The following EIF2AK3 variants were observed in gnomAD, a reference collection of about 807,000 sequenced individuals.
EIF2AK3 encodes the protein eukaryotic translation initiation factor 2-alpha kinase 3.
Under a neutral mutation model 113.5 loss-of-function variants are expected in EIF2AK3, and 50 were observed. That is an observed-to-expected ratio of 0.44 (90% confidence interval 0.35 to 0.56). The LOEUF (loss-of-function observed/expected upper bound fraction) is 0.56. EIF2AK3 is among the 20% of genes least tolerant of loss of function. The probability of loss-of-function intolerance (pLI) is 0.00; values close to 1 mark genes in which losing one functional copy is unlikely to be tolerated. For synonymous variants in EIF2AK3, 448 were observed against 495.4 expected, an observed-to-expected ratio of 0.90 and a Z score of 1.27; for missense variants, 1,185 against 1,378.0, an observed-to-expected ratio of 0.86 and a Z score of 2.22.
At chr2:88,579,929 C>T in intron 10 of EIF2AK3, 1 of 319,088 alleles carries the variant, frequency 3.1e-6, no homozygotes, top group Non-Finnish European at 6.0e-6. Context: ...GTGATGTGTG[C>T]TGTCCAATAC....
intron 1 of EIF2AK3, among the ~76,000 whole-genome samples, chr2:88,624,263 G>A (rs187491635): frequency 6.6e-6 from 1 of 152,298 alleles, no homozygotes; most frequent in East Asian, 1.9e-4. Context: ...AAAGTGCTGG[G>A]ATAACAGGCT....
chr2:88,575,702 G>GAGCAGCCAA, intron 12 of EIF2AK3: 1 of 484,780 alleles, frequency 2.1e-6, no homozygotes, highest in South Asian at 2.1e-5. Context: ...GGGGCTGCCA[G>GAGCAGCCAA]AGCAGCCAAA....
chr2:88,576,703 C>A lies in EIF2AK3; in HGVS notation c.1887G>T (p.Arg629Ser). Residue 629 changes from arginine to serine, a missense_variant and splice_region_variant, in exon 12 of 17, where the codon AGG becomes AGT. Physicochemically the swap from Arg to Ser is moderately radical, Grantham distance 110 (BLOSUM62 -1). Coordinates refer to ENST00000303236, the MANE Select transcript of EIF2AK3 (RefSeq NM_004836.7). The stretch of plus-strand genomic sequence containing the variant: ...GCATTACCTTTTCCCGAGCCAATTC[C>A]CTGAAAGAGAGAAAATATTTAAGGT... The part of the protein sequence containing the change: ...YAIKRIRLPN[R>S]ELAREKVMRE... 1.2e-6 allele frequency: 2 copies of A among 1,613,778 alleles called. No homozygotes were observed. The highest frequency in any genetic ancestry group is 1.7e-6 in the Non-Finnish European group (2 of 1,179,922).
In EIF2AK3 at chr2:88,557,494, A is replaced by G. The variant is rs981401722; in HGVS notation, c.*242T>C. The G allele has an allele frequency of 1.8e-6, 1 of 544,762 alleles. No individual in the cohort carries two copies. The highest frequency in any genetic ancestry group is 1.9e-5 in the African/African-American group (1 of 52,754). The allele number at this position is 544,762 out of a possible 1,614,324, so 33.7% of individuals were successfully genotyped here. ...GTGAGGGCTATAAAGCTTGGCCAGCAGCCAGTTTCAAGAGACTAACAAAGA... is the reference window on the plus strand; with the variant it reads ...GTGAGGGCTATAAAGCTTGGCCAGCGGCCAGTTTCAAGAGACTAACAAAGA... On this transcript the variant is annotated 3_prime_UTR_variant, in exon 17 of 17. Transcript: ENST00000303236.
chr2:88,624,118 A>C (rs948443350), intron 1 of EIF2AK3, among the ~76,000 whole-genome samples: 2 of 151,894 alleles, frequency 1.3e-5, no homozygotes, highest in African/African-American at 4.8e-5. Context: ...CAGCCTCCCG[A>C]GTAGCTCGGA....
At position 88,575,028 on chromosome 2, in the gene EIF2AK3, T is replaced by C; in HGVS notation, c.2455A>G (p.Lys819Glu). Residue 819 changes from lysine to glutamate, a missense_variant, in exon 13 of 17, where the codon AAA becomes GAA. By Grantham distance (56) the Lys-to-Glu change is moderately conservative. Around this residue, in one of 3 missense-constraint regions of EIF2AK3, gnomAD observed 877 missense variants for 1,024.2 expected, o/e 0.86. Transcript: ENST00000303236. ...AATCGATTAGTTTTCGGCTCTTCTT[T>C]ACTGGAAGCATTATCACAGCCAGAA... ...EDSGCDNASS[K>E]EEPKTNRLHI... The C allele has an allele frequency of 6.2e-7, 1 of 1,614,212 alleles. No individual in the cohort carries two copies. Among genetic ancestry groups the C allele is most frequent in the Non-Finnish European group, 8.5e-7 (1 of 1,180,028 alleles).
chr2:88,578,042 C>T (rs1674506645), intron 11 of EIF2AK3, among the ~76,000 whole-genome samples: 1 of 152,172 alleles, frequency 6.6e-6, no homozygotes, highest in African/African-American at 2.4e-5. Flanking sequence ...GTACAGGCTT[C>T]TTGAGGGCAG....
Position 88,590,777 on chromosome 2 carries a change from G to C in EIF2AK3, c.1002+41C>G, listed in dbSNP as rs1234788710. The C allele has an allele frequency of 1.9e-6, 3 of 1,607,520 alleles. No homozygotes were observed. In the Admixed American group the frequency reaches 5.0e-5, roughly 27 times the overall value. On this transcript the variant is annotated intron_variant, in intron 5 of 16. Transcript: ENST00000303236. ...ATCAATAAGTTTGGTCAGACTGGGA[G>C]AGGAAGAACCGTATTTTAAATCCTC...
chr2:88,623,239 G>A (rs1038309684), intron 1 of EIF2AK3, among the ~76,000 whole-genome samples: 17 of 152,298 alleles, frequency 1.1e-4, no homozygotes, highest in African/African-American at 4.1e-4. Flanking sequence ...ATCTAACAGT[G>A]AGGTGATGAG....
chr2:88,622,814 T>G (rs1162726963), intron 1 of EIF2AK3, among the ~76,000 whole-genome samples: 1 of 152,184 alleles, frequency 6.6e-6, no homozygotes, highest in Non-Finnish European at 1.5e-5. Context: ...AAAATGATTA[T>G]AAATCTGAAA....
intron 15 of EIF2AK3, among the ~76,000 whole-genome samples, chr2:88,561,259 G>A (rs1048494902): frequency 6.7e-6 from 1 of 149,210 alleles, no homozygotes; most frequent in African/African-American, 2.5e-5. Context: ...TGGCCAGAGG[G>A]CTACTTTTTT....
chr2:88,610,652 T>G (rs1675431815), intron 2 of EIF2AK3, among the ~76,000 whole-genome samples: 1 of 152,262 alleles, frequency 6.6e-6, no homozygotes, highest in South Asian at 2.1e-4. Flanking sequence ...AAAATGCTAC[T>G]TTTCTCATTA....
At chr2:88,583,028 GT>G (rs1180289631) in intron 10 of EIF2AK3, among the ~76,000 whole-genome samples, 3 of 151,870 alleles carry the variant, frequency 2.0e-5, no homozygotes, top group African/African-American at 4.8e-5. Context: ...TTCTATTAGT[GT>G]TTTTTTCCCT....
Position 88,588,015 on chromosome 2 carries a change from T to G in EIF2AK3, c.1396A>C (p.Asn466His). 1 of 1,588,796 alleles carries G rather than the reference T, an allele frequency of 6.3e-7. No homozygotes were observed. Among genetic ancestry groups the G allele is most frequent in the East Asian group, 2.3e-5 (1 of 44,270 alleles). The change falls in exon 8 of 17, where the codon AAT (asparagine) becomes CAT (histidine). Residue 466 changes from asparagine to histidine, a missense_variant. By Grantham distance (68) the Asn-to-His change is moderately conservative. Coordinates refer to ENST00000303236, the MANE Select transcript of EIF2AK3 (RefSeq NM_004836.7). ...TACTGCAAGATTGAAAGTGCACCAT[T>G]ACTATATTCTTCATGAGAAAACTTA... ...NDKFSHEEYS[N>H]GALSILQYPY...
rs1418250775 is a variant in EIF2AK3, at chr2:88,557,567, C to G, written c.*169G>C. ...GTATAGCAAAACTCAGGAGTTGGCTCAAATTAGGTTATGCCCCCAAATCCA... is the reference window on the plus strand; with the variant it reads ...GTATAGCAAAACTCAGGAGTTGGCTGAAATTAGGTTATGCCCCCAAATCCA... On this transcript the variant is annotated 3_prime_UTR_variant, in exon 17 of 17. Coordinates refer to ENST00000303236, the MANE Select transcript of EIF2AK3 (RefSeq NM_004836.7). 4.1e-5 allele frequency: 29 copies of G among 712,526 alleles called. No homozygotes were observed. The highest frequency in any genetic ancestry group is 6.1e-5 in the Non-Finnish European group (25 of 410,832). The allele number at this position is 712,526 out of a possible 1,614,324, so 44.1% of individuals were successfully genotyped here.
chr2:88,595,977 G>A (rs1027646702), intron 2 of EIF2AK3: 1 of 408,672 alleles, frequency 2.4e-6, no homozygotes, highest in Admixed American at 4.0e-5. Context: ...CCAAAAGAGA[G>A]TTTTATGATC....
chr2:88,595,437 T>C, intron 3 of EIF2AK3, 32 bp downstream of exon 3: 1 of 1,599,570 alleles, frequency 6.3e-7, no homozygotes. Context: ...TTACTCTGAT[T>C]TCCCCAAAGT....
In EIF2AK3 at chr2:88,586,056, C is replaced by A; in HGVS notation, c.1435G>T (p.Gly479Cys). The change falls in exon 9 of 17, where the codon GGT (glycine) becomes TGT (cysteine). Residue 479 changes from glycine to cysteine, a missense_variant. By Grantham distance (159) the Gly-to-Cys change is radical (BLOSUM62 -3). Coordinates refer to ENST00000303236, the MANE Select transcript of EIF2AK3 (RefSeq NM_004836.7). ...LSILQYPYDN[G>C]YYLPYYKRER... ...CTCTTGTAGTATGGTAGATAATAAC[C>A]ATTATCTTCAAATAGAAACATTAAA... 1 of 1,611,676 alleles carries A rather than the reference C, an allele frequency of 6.2e-7. No homozygotes were observed. The highest frequency in any genetic ancestry group is 8.5e-7 in the Non-Finnish European group (1 of 1,177,936).
chr2:88,571,021 T>C lies in EIF2AK3; in HGVS notation c.2838A>G (p.Thr946=), dbSNP rs141444065. ...CTCCAACCTTGACCACATCATCCAT[T>C]GTAAAGAATATGTTGGATGGCTGGA... The part of the protein sequence containing the change: ...RDLKPSNIFF[T]MDDVVKVGDF... The change falls in exon 14 of 17, where the codon ACA becomes ACG. Residue 946 remains threonine, a synonymous_variant. Transcript: ENST00000303236. 6 of 1,614,018 alleles carry C rather than the reference T, an allele frequency of 3.7e-6. No homozygotes were observed. In the African/African-American group the frequency reaches 6.7e-5, roughly 18 times the overall value.
Sources: allele counts gnomAD v4.1 joint callset (sites outside exome capture counted in the v4.1 genomes callset), GRCh38; gene constraint gnomAD v4.1.1; regional missense constraint gnomAD v4.1.1; transcripts MANE v1.5; gene names NCBI Gene and HGNC (gene_info 2026-07-23, HGNC 2026-07-21).